CNTN5: variants seen among roughly 807,000 people sequenced by gnomAD.
CNTN5 encodes the protein contactin 5.
A neutral mutation model predicts 129.1 loss-of-function variants in CNTN5; 77 were observed. The ratio of observed to expected loss-of-function variants is 0.60; its 90% CI spans 0.50 to 0.72. The LOEUF (loss-of-function observed/expected upper bound fraction) is 0.72, where lower values mean the gene tolerates loss of function less well. Among genes scored for constraint, CNTN5 ranks in the 30% least tolerant of loss-of-function variants. The pLI is 0.00. For missense variants in CNTN5, 1,478 were observed against 1,328.8 expected (o/e 1.11, Z -1.75); for synonymous variants, 509 against 465.6 (o/e 1.09, Z -1.20).
intron 9 of CNTN5, among the ~76,000 whole-genome samples, chr11:100,044,251 C>G (rs914377982): frequency 6.6e-6 from 1 of 151,856 alleles, no homozygotes; most frequent in African/African-American, 2.4e-5. Flanking sequence ...CAGGTTGATT[C>G]CATATCTTTG....
intron 21 of CNTN5, among the ~76,000 whole-genome samples, chr11:100,327,563 G>C (rs1468418734): frequency 1.3e-5 from 2 of 152,072 alleles, no homozygotes; most frequent in Admixed American, 6.6e-5. Context: ...ATAAACCTCT[G>C]ATCAAAACCC....
intron 2 of CNTN5, among the ~76,000 whole-genome samples, chr11:99,426,224 A>G (rs904985663): frequency 6.6e-6 from 1 of 152,198 alleles, no homozygotes; most frequent in Non-Finnish European, 1.5e-5. Context: ...AAAAGACTGA[A>G]TTTACAATTT....
intron 3 of CNTN5, among the ~76,000 whole-genome samples, chr11:99,733,564 T>A (rs1943606137): frequency 6.6e-6 from 1 of 152,080 alleles, no homozygotes; most frequent in South Asian, 2.1e-4. Context: ...TCTCCACAAT[T>A]GCTTTTCTAA....
intron 2 of CNTN5, among the ~76,000 whole-genome samples, chr11:99,546,880 C>T (rs1948311539): frequency 6.6e-6 from 1 of 151,878 alleles, no homozygotes; most frequent in Non-Finnish European, 1.5e-5. Context: ...AATTAAGTGA[C>T]TTATTTCATT....
intron 3 of CNTN5, among the ~76,000 whole-genome samples, chr11:99,612,490 T>C (rs1472765712): frequency 6.6e-6 from 1 of 152,196 alleles, no homozygotes; most frequent in East Asian, 1.9e-4. Context: ...CCTATTGAAT[T>C]CCCTTCCTAG....
rs571751722 is a variant in CNTN5, at chr11:99,575,687, A to G, written c.55+19418A>G. ...TGAATCCCAGCATTTGGAAGAGCAA[A>G]GGTTCATGAACCTTCTGTGGGACAG... On this transcript the variant is annotated intron_variant, in intron 3 of 24. Transcript: ENST00000524871. 3.3e-5 allele frequency among the ~76,000 whole-genome samples: 5 copies of G among 152,300 alleles called. No individual in the cohort carries two copies. In the East Asian group the frequency reaches 9.6e-4, roughly 29 times the overall value.
intron 1 of CNTN5, among the ~76,000 whole-genome samples, chr11:99,151,682 AG>A (rs1418158387): frequency 1.3e-5 from 2 of 152,172 alleles, no homozygotes; most frequent in African/African-American, 4.8e-5. Context: ...GACTGGATAA[AG>A]AAAATGTGGC....
At chr11:99,749,287 A>G (rs10893832) in intron 3 of CNTN5, among the ~76,000 whole-genome samples, 32,479 of 152,060 alleles carry the variant, frequency 0.21, 3,630 homozygotes, top group African/African-American at 0.25. Context: ...AAAAGAAAAA[A>G]GAATGGGGAA....
intron 1 of CNTN5, among the ~76,000 whole-genome samples, chr11:99,282,239 A>G (rs1489510108): frequency 6.6e-6 from 1 of 152,086 alleles, no homozygotes; most frequent in Non-Finnish European, 1.5e-5. Flanking sequence ...TAAGCAAGTT[A>G]ATATGTGTAT....
In CNTN5 at chr11:99,567,714, G is replaced by T. The variant is rs760369558; in HGVS notation, c.55+11445G>T. 6.6e-5 allele frequency among the ~76,000 whole-genome samples: 10 copies of T among 152,240 alleles called. No homozygotes were observed. In the East Asian group the frequency reaches 9.7e-4, roughly 15 times the overall value. ...ATGATCAAATTAAAATTATGTATTTGCACATTGTATCTGTCCCTGGGGAAG... is the reference window on the plus strand; with the variant it reads ...ATGATCAAATTAAAATTATGTATTTTCACATTGTATCTGTCCCTGGGGAAG... On this transcript the variant is annotated intron_variant, in intron 3 of 24. Coordinates refer to ENST00000524871, the MANE Select transcript of CNTN5 (RefSeq NM_014361.4).
At chr11:99,736,473 C>T (rs1266413417) in intron 3 of CNTN5, among the ~76,000 whole-genome samples, 1 of 152,114 alleles carries the variant, frequency 6.6e-6, no homozygotes, top group Non-Finnish European at 1.5e-5. Flanking sequence ...ACAGATTGGC[C>T]TCCAGTCAAG....
At chr11:100,130,440 G>A (rs1354394718) in intron 13 of CNTN5, among the ~76,000 whole-genome samples, 1 of 152,130 alleles carries the variant, frequency 6.6e-6, no homozygotes, top group Non-Finnish European at 1.5e-5. Flanking sequence ...AAAGAATATG[G>A]AAAAGAATAT....
intron 2 of CNTN5, among the ~76,000 whole-genome samples, chr11:99,512,494 C>G (rs537981823): frequency 3.8e-4 from 58 of 152,230 alleles, no homozygotes; most frequent in African/African-American, 1.4e-3. Flanking sequence ...CTTTATTGCT[C>G]TTTGGTTTAT....
chr11:99,262,164 A>T (rs961892982), intron 1 of CNTN5, among the ~76,000 whole-genome samples: 2 of 151,970 alleles, frequency 1.3e-5, no homozygotes, highest in Non-Finnish European at 2.9e-5. Context: ...GAGTACTGAG[A>T]TATGACTTTC....
chr11:99,219,275 TA>T (rs1860281608), intron 1 of CNTN5, among the ~76,000 whole-genome samples: 1 of 151,834 alleles, frequency 6.6e-6, no homozygotes, highest in African/African-American at 2.4e-5. Context: ...AAATATTAAA[TA>T]GTATACTATA....
intron 18 of CNTN5, among the ~76,000 whole-genome samples, chr11:100,293,948 A>G (rs539961322): frequency 4.0e-5 from 6 of 151,860 alleles, no homozygotes; most frequent in East Asian, 3.9e-4. Context: ...CCTGTGCTAC[A>G]TACTTCAATT....
At chr11:99,677,038 A>T (rs773562571) in intron 3 of CNTN5, among the ~76,000 whole-genome samples, 4 of 152,184 alleles carry the variant, frequency 2.6e-5, no homozygotes, top group Non-Finnish European at 5.9e-5. Context: ...TCTATCTCCT[A>T]CTCAATAACT....
At chr11:99,240,851 G>A (rs141843913) in intron 1 of CNTN5, among the ~76,000 whole-genome samples, 32 of 152,222 alleles carry the variant, frequency 2.1e-4, no homozygotes, top group Middle Eastern at 3.4e-3. Context: ...TCATGATAGC[G>A]TCTGCCCCGT....
In CNTN5 at chr11:100,161,829, CTACACACACA is replaced by C. The variant is rs1331007003; in HGVS notation, c.1581-29296_1581-29287del. ...CTCTCAAGGATAGCCCTGGAGCTTC[CTACACACACA>C]CACACACACACACACACACACACAC... On this transcript the variant is annotated intron_variant, in intron 13 of 24. Coordinates refer to ENST00000524871, the MANE Select transcript of CNTN5 (RefSeq NM_014361.4). Among the ~76,000 whole-genome samples the C allele has an allele frequency of 3.5e-4, 12 of 34,024 alleles. No homozygotes were observed. In the East Asian group the frequency reaches 9.4e-3, roughly 27 times the overall value. The allele number at this position is 34,024 out of a possible 152,430, so 22.3% of individuals were successfully genotyped here. A position where few individuals can be genotyped will look rare whatever the true frequency, so the allele number is the denominator to read the frequency against.
Sources: gnomAD v4.1 joint callset for allele counts (sites outside exome capture counted in the v4.1 genomes callset) on GRCh38, gnomAD v4.1.1 for gene constraint, MANE v1.5 for transcripts, NCBI Gene and HGNC (gene_info 2026-07-23, HGNC 2026-07-21) for gene names.